The following CEP70 variants were observed in gnomAD, a reference collection of about 807,000 sequenced individuals.
The protein encoded by CEP70 is centrosomal protein of 70 kDa.
CEP70 carries 70 observed loss-of-function variants against 90.9 expected under a neutral mutation model. That is an observed-to-expected ratio of 0.77 (90% CI 0.64 to 0.94). CEP70 has a LOEUF of 0.94. Among genes scored for constraint, CEP70 ranks in the 40% least tolerant of loss-of-function variants. CEP70 has a pLI of 0.00. For missense variants in CEP70, 648 were observed against 669.0 expected, an observed-to-expected ratio of 0.97 and a Z score of 0.35; for synonymous variants, 220 against 228.3, an observed-to-expected ratio of 0.96 and a Z score of 0.33.
rs200581423 is a variant in CEP70, at chr3:138,498,338, C to CT, written c.1653-229dup. ...ATTTGTTAAATTCATATATAACATT[C>CT]TTTTTTTTTTTTTTTTTGAGACAGA... On this transcript the variant is annotated intron_variant, in intron 16 of 17. Coordinates refer to ENST00000264982, the MANE Select transcript of CEP70 (RefSeq NM_024491.4). Among the ~76,000 whole-genome samples, 1,219 of 135,864 alleles carry CT rather than the reference C, an allele frequency of 9.0e-3. 11 individuals carry two copies. Among genetic ancestry groups the CT allele is most frequent in the African/African-American group, 0.02 (756 of 37,040 alleles). 89.1% of individuals were successfully genotyped at this position (135,864 alleles called of 152,430 possible). A position where few individuals can be genotyped will look rare whatever the true frequency, so the allele number is the denominator to read the frequency against.
chr3:138,530,869 T>C (rs529160336), intron 8 of CEP70: 6 of 983,754 alleles, frequency 6.1e-6, no homozygotes, highest in Non-Finnish European at 7.2e-6. Context: ...AAGTTAGTAC[T>C]TACTCTTAGA....
intron 4 of CEP70, 43 bp from the exon 5 acceptor site, chr3:138,571,200 GC>G: frequency 1.3e-6 from 2 of 1,548,742 alleles, no homozygotes; most frequent in African/African-American, 1.4e-5. Context: ...AAAATAAAAG[GC>G]AAAAAAAATT....
intron 6 of CEP70, among the ~76,000 whole-genome samples, chr3:138,541,420 A>G (rs1014949118): frequency 8.6e-6 from 1 of 115,916 alleles, no homozygotes; most frequent in Non-Finnish European, 1.9e-5. Flanking sequence ...AAGAAAAAGA[A>G]AAAGAAAAAG....
At chr3:138,528,771 T>C (rs1230190488) in intron 10 of CEP70, among the ~76,000 whole-genome samples, 4 of 151,972 alleles carry the variant, frequency 2.6e-5, no homozygotes, top group African/African-American at 9.7e-5. Context: ...GGAGAAAGGA[T>C]CACTTGAGGT....
intron 11 of CEP70, among the ~76,000 whole-genome samples, chr3:138,518,372 G>A (rs1431071846): frequency 6.6e-6 from 1 of 152,194 alleles, no homozygotes; most frequent in Admixed American, 6.5e-5. Flanking sequence ...CTGAGAACTG[G>A]CAGACTGCCT....
intron 2 of CEP70, 112 bp from the exon 3 acceptor site, chr3:138,573,044 C>T (rs917204881): frequency 6.8e-6 from 5 of 734,404 alleles, no homozygotes; most frequent in Non-Finnish European, 1.2e-5. Flanking sequence ...TTAAAAGAAT[C>T]CACTACTCTT....
Position 138,525,477 on chromosome 3 carries a change from A to C in CEP70, c.944+13T>G. ...CCTAATAAAAGAGGCAATTTTGGTAAAAATATAATTACTTGACGTTTTTCT... is the reference window on the plus strand; with the variant it reads ...CCTAATAAAAGAGGCAATTTTGGTACAAATATAATTACTTGACGTTTTTCT... On this transcript the variant is annotated intron_variant, in intron 11 of 17. Coordinates refer to ENST00000264982, the MANE Select transcript of CEP70 (RefSeq NM_024491.4). The C allele has an allele frequency of 1.6e-6, 2 of 1,260,336 alleles. No homozygotes were observed. The highest frequency in any genetic ancestry group is 5.4e-5 in the East Asian group (2 of 36,706). The allele number at this position is 1,260,336 out of a possible 1,614,324, so 78.1% of individuals were successfully genotyped here. A position where few individuals can be genotyped will look rare whatever the true frequency, so the allele number is the denominator to read the frequency against.
At chr3:138,550,271 C>G (rs977252253) in intron 6 of CEP70, among the ~76,000 whole-genome samples, 1 of 152,056 alleles carries the variant, frequency 6.6e-6, no homozygotes. Flanking sequence ...CAAGGAGGCA[C>G]CAGAGAAGGG....
intron 17 of CEP70, chr3:138,496,791 T>C: frequency 1.0e-6 from 1 of 985,420 alleles, no homozygotes. Context: ...AATTACAGAA[T>C]TCATCTCCAG....
chr3:138,506,115 G>C (rs1482283147), intron 12 of CEP70, among the ~76,000 whole-genome samples: 1 of 152,122 alleles, frequency 6.6e-6, no homozygotes, highest in Non-Finnish European at 1.5e-5. Flanking sequence ...AAATAATAAA[G>C]CATGCATCTT....
chr3:138,579,276 A>G (rs971323350), intron 2 of CEP70, among the ~76,000 whole-genome samples: 2 of 152,060 alleles, frequency 1.3e-5, no homozygotes, highest in East Asian at 1.9e-4. Context: ...AACTTGAAAC[A>G]CTATCTAGGC....
intron 11 of CEP70, among the ~76,000 whole-genome samples, chr3:138,521,722 CCCG>C (rs1414131009): frequency 6.6e-6 from 1 of 151,096 alleles, no homozygotes; most frequent in Admixed American, 6.6e-5. Flanking sequence ...GACCCTCTGC[CCCG>C]CCGCCATGTC....
chr3:138,501,721 G>A (rs984786130), intron 13 of CEP70, among the ~76,000 whole-genome samples: 2 of 152,122 alleles, frequency 1.3e-5, no homozygotes, highest in Non-Finnish European at 2.9e-5. Flanking sequence ...ATTTTAAACT[G>A]TGCACAATGG....
At chr3:138,542,040 G>A (rs1027053961) in intron 6 of CEP70, among the ~76,000 whole-genome samples, 3 of 152,142 alleles carry the variant, frequency 2.0e-5, no homozygotes, top group South Asian at 4.1e-4. Flanking sequence ...CTGCCCACTC[G>A]GCCTGGCAGG....
At chr3:138,592,026 T>G in intron 1 of CEP70, 70 bp from the exon 2 acceptor site, 1 of 586,280 alleles carries the variant, frequency 1.7e-6, no homozygotes, top group African/African-American at 1.9e-5. Context: ...TGGTCTTGTG[T>G]TACTCCCAGA....
chr3:138,507,353 A>G (rs1354888468), intron 12 of CEP70, among the ~76,000 whole-genome samples: 1 of 152,224 alleles, frequency 6.6e-6, no homozygotes, highest in East Asian at 1.9e-4. Flanking sequence ...TTCTCCAAAT[A>G]TTAATCTATA....
At chr3:138,499,936 A>C in intron 16 of CEP70, 174 bp downstream of exon 16, 1 of 551,396 alleles carries the variant, frequency 1.8e-6, no homozygotes, top group Non-Finnish European at 3.3e-6. Flanking sequence ...GATAATACTT[A>C]TTTTAATTTT....
At chr3:138,497,215 A>G in intron 17 of CEP70, 2 of 1,227,628 alleles carry the variant, frequency 1.6e-6, no homozygotes, top group South Asian at 3.0e-5. Flanking sequence ...TCAGTAGGCT[A>G]TATATTCTAA....
At chr3:138,527,244 C>A (rs1015954376) in intron 10 of CEP70, among the ~76,000 whole-genome samples, 19 of 143,240 alleles carry the variant, frequency 1.3e-4, no homozygotes, top group Admixed American at 1.3e-3. Flanking sequence ...CAGCTCACTG[C>A]AGCCTTGACC....
Sources: gnomAD v4.1 joint callset for allele counts (sites outside exome capture counted in the v4.1 genomes callset) on GRCh38, gnomAD v4.1.1 for gene constraint, MANE v1.5 for transcripts, NCBI Gene and HGNC (gene_info 2026-07-23, HGNC 2026-07-21) for gene names.